Variants in BMAL1 observed in about 807,000 individuals in gnomAD.
The protein encoded by BMAL1 is basic helix-loop-helix ARNT-like protein 1.
chr11:13,374,052 G>A, the BMAL1 span: 316 of 1,576,468 alleles, frequency 2.0e-4, no homozygotes, highest in Non-Finnish European at 2.6e-4. Flanking sequence ...TTAATCATCT[G>A]AATGGCTTTT....
chr11:13,369,858 C>A, the BMAL1 span: 1 of 1,508,476 alleles, frequency 6.6e-7, no homozygotes, highest in Non-Finnish European at 8.9e-7. Context: ...TCCATGGTTT[C>A]TGGCTGGCCA....
chr11:13,381,238 C>T, the BMAL1 span: 1 of 1,613,992 alleles, frequency 6.2e-7, no homozygotes, highest in African/African-American at 1.3e-5. Context: ...GATGCCTCTT[C>T]TCCAGGAGGC....
the BMAL1 span, among the ~76,000 whole-genome samples, chr11:13,286,984 AT>A: frequency 1.3e-5 from 2 of 152,064 alleles, no homozygotes; most frequent in Non-Finnish European, 2.9e-5. Context: ...GGAAGAAAAA[AT>A]TTTTTTCAAG....
At chr11:13,378,328 T>C in the BMAL1 span, 29 of 1,596,090 alleles carry the variant, frequency 1.8e-5, no homozygotes, top group African/African-American at 2.7e-5. Flanking sequence ...TCAGATTCCT[T>C]TGTTGTAGGT....
At chr11:13,284,263 T>C in the BMAL1 span, among the ~76,000 whole-genome samples, 945 of 15,880 alleles carry the variant, frequency 0.06, 75 homozygotes, top group Non-Finnish European at 0.12. Flanking sequence ...TATATATATA[T>C]ATATTTTTTT....
chr11:13,376,814 C>T, the BMAL1 span: 2 of 1,280,720 alleles, frequency 1.6e-6, no homozygotes, highest in Non-Finnish European at 2.2e-6. Context: ...TTCAGGGTCC[C>T]CTCCATTCAT....
the BMAL1 span, among the ~76,000 whole-genome samples, chr11:13,320,496 C>G: frequency 6.6e-6 from 1 of 152,194 alleles, no homozygotes. Flanking sequence ...CAGTGTGACC[C>G]TTTGGCTGAT....
the BMAL1 span, among the ~76,000 whole-genome samples, chr11:13,284,162 G>GTATATATATATA: frequency 3.6e-5 from 3 of 82,480 alleles, no homozygotes; most frequent in Non-Finnish European, 4.3e-5. Context: ...ATATATATGT[G>GTATATATATATA]TGTATATATA....
the BMAL1 span, among the ~76,000 whole-genome samples, chr11:13,318,035 G>T: frequency 6.6e-6 from 1 of 152,210 alleles, no homozygotes; most frequent in African/African-American, 2.4e-5. Context: ...AGTGGGCCTG[G>T]GCCCGTCTTC....
the BMAL1 span, among the ~76,000 whole-genome samples, chr11:13,310,312 G>A: frequency 6.6e-6 from 1 of 152,120 alleles, no homozygotes; most frequent in African/African-American, 2.4e-5. Flanking sequence ...CGGGCCTTAT[G>A]GAGAGGTGGA....
chr11:13,371,694 C>T, the BMAL1 span, among the ~76,000 whole-genome samples: 2 of 152,214 alleles, frequency 1.3e-5, no homozygotes, highest in Non-Finnish European at 2.9e-5. Flanking sequence ...TTTTAATCTT[C>T]CTCCAACCTG....
At chr11:13,323,449 C>T in the BMAL1 span, among the ~76,000 whole-genome samples, 1 of 152,030 alleles carries the variant, frequency 6.6e-6, no homozygotes, top group South Asian at 2.1e-4. Context: ...CAAAAACAAA[C>T]AAAAAACTAG....
chr11:13,309,762 T>TA, the BMAL1 span, among the ~76,000 whole-genome samples: 6 of 152,240 alleles, frequency 3.9e-5, no homozygotes, highest in East Asian at 1.2e-3. Flanking sequence ...TGCCATGTGT[T>TA]ACCATAGGCA....
At chr11:13,373,713 T>C in the BMAL1 span, among the ~76,000 whole-genome samples, 1 of 152,186 alleles carries the variant, frequency 6.6e-6, no homozygotes, top group African/African-American at 2.4e-5. Flanking sequence ...TTCACCATGT[T>C]GCCCAAGCTA....
At chr11:13,291,268 G>A in the BMAL1 span, among the ~76,000 whole-genome samples, 1 of 152,276 alleles carries the variant, frequency 6.6e-6, no homozygotes, top group East Asian at 1.9e-4. Flanking sequence ...GTCTTGTTTA[G>A]TCATCATCAC....
the BMAL1 span, among the ~76,000 whole-genome samples, chr11:13,331,432 A>C: frequency 6.6e-6 from 1 of 152,184 alleles, no homozygotes; most frequent in Non-Finnish European, 1.5e-5. Context: ...GGGTGGTAGG[A>C]GGCAGTGAAG....
the BMAL1 span, among the ~76,000 whole-genome samples, chr11:13,311,285 A>C: frequency 6.6e-6 from 1 of 152,246 alleles, no homozygotes; most frequent in East Asian, 1.9e-4. Context: ...GGTCTCCCCA[A>C]GATGAGCAGT....
At chr11:13,381,978 A>T in the BMAL1 span, among the ~76,000 whole-genome samples, 1 of 152,130 alleles carries the variant, frequency 6.6e-6, no homozygotes, top group Non-Finnish European at 1.5e-5. Context: ...CCATCTCCTA[A>T]AACAGAGAGA....
chr11:13,291,165 G>A, the BMAL1 span, among the ~76,000 whole-genome samples: 140,773 of 152,308 alleles, frequency 0.92, 65,521 homozygotes, highest in East Asian at 1. Context: ...GTTCATCAAA[G>A]TCACCCTGTA....
Sources: gnomAD v4.1 joint callset for allele counts (sites outside exome capture counted in the v4.1 genomes callset) on GRCh38, gnomAD v4.1.1 for gene constraint, MANE v1.5 for transcripts, NCBI Gene and HGNC (gene_info 2026-07-23, HGNC 2026-07-21) for gene names.